Variants in ACSBG1 observed in about 807,000 individuals in gnomAD.
ACSBG1 encodes acyl-CoA synthetase bubblegum family member 1, also known as long-chain-fatty-acid--CoA ligase ACSBG1.
A neutral mutation model predicts 80.2 loss-of-function variants in ACSBG1; 39 were observed. That is an observed-to-expected ratio of 0.49 (90% CI 0.38 to 0.64). ACSBG1 has a LOEUF of 0.64. Among genes scored for constraint, ACSBG1 ranks in the 30% least tolerant of loss-of-function variants. The pLI is 0.00. For missense variants in ACSBG1, 828 were observed against 966.4 expected, an observed-to-expected ratio of 0.86 and a Z score of 1.90; for synonymous variants, 392 against 379.5, an observed-to-expected ratio of 1.03 and a Z score of -0.38.
intron 2 of ACSBG1, among the ~76,000 whole-genome samples, chr15:78,204,476 CA>C (rs2075196095): frequency 6.6e-6 from 1 of 152,176 alleles, no homozygotes. Context: ...CCCCACATGG[CA>C]GGGTCCTAGG....
At chr15:78,220,810 A>G (rs60624923) in intron 1 of ACSBG1, among the ~76,000 whole-genome samples, 2 of 152,238 alleles carry the variant, frequency 1.3e-5, no homozygotes, top group Admixed American at 6.5e-5. Flanking sequence ...TAAGAAAATA[A>G]GAACAGTGTT....
Position 78,213,048 on chromosome 15 carries a change from G to A in ACSBG1, c.132-4946C>T, listed in dbSNP as rs1191950942. Among the ~76,000 whole-genome samples, 15 of 152,112 alleles carry A rather than the reference G, an allele frequency of 9.9e-5. 1 individual carries two copies. Among genetic ancestry groups the A allele is most frequent in the Non-Finnish European group, 2.9e-5 (2 of 68,010 alleles). On this transcript the variant is annotated intron_variant, in intron 1 of 13. Transcript: ENST00000258873. Reference sequence around the variant, plus strand: ...GTTCCCATCTCTCTCTGCTCAGCGGGCAAAGCAGAACTGACTCCCCAATGG... The same window carrying A: ...GTTCCCATCTCTCTCTGCTCAGCGGACAAAGCAGAACTGACTCCCCAATGG...
At chr15:78,211,691 C>T (rs981041622) in intron 1 of ACSBG1, among the ~76,000 whole-genome samples, 3 of 152,188 alleles carry the variant, frequency 2.0e-5, no homozygotes, top group Non-Finnish European at 4.4e-5. Context: ...GGAGCGTCTG[C>T]ACTGCGCCTT....
Position 78,179,641 on chromosome 15 carries a change from C to G in ACSBG1, c.1393G>C (p.Gly465Arg). 1 of 1,614,096 alleles carries G rather than the reference C, an allele frequency of 6.2e-7. No homozygotes were observed. The highest frequency in any genetic ancestry group is 8.5e-7 in the Non-Finnish European group (1 of 1,180,020). The change falls in exon 10 of 14, where the codon GGT becomes CGT. Residue 465 changes from glycine (G) to arginine (R), a missense_variant. Physicochemically the swap from Gly to Arg is moderately radical, Grantham distance 125 (BLOSUM62 -2). Transcript: ENST00000258873. ...MMAETQHFFL[G>R]LNIRLYAGYG... ...CCCGCATACAAGCGGATGTTGAGACCCAGGAAGAAGTGCTGTGTCTCTGCC... is the reference window on the plus strand; with the variant it reads ...CCCGCATACAAGCGGATGTTGAGACGCAGGAAGAAGTGCTGTGTCTCTGCC...
At position 78,171,330 on chromosome 15, in the gene ACSBG1, G is replaced by C. The variant is rs1183073746; in HGVS notation, c.*114C>G. 1.3e-6 allele frequency: 1 copy of C among 780,300 alleles called. No homozygotes were observed. Among genetic ancestry groups the C allele is most frequent in the Non-Finnish European group, 2.1e-6 (1 of 479,342 alleles). The allele number at this position is 780,300 out of a possible 1,614,324, so 48.3% of individuals were successfully genotyped here. Reference sequence around the variant, plus strand: ...AGCCAGTGCTGTGCCCTGACCTGGAGATCTAACAGACTTGGCAGAAATGCC... The same window carrying C: ...AGCCAGTGCTGTGCCCTGACCTGGACATCTAACAGACTTGGCAGAAATGCC... On this transcript the variant is annotated 3_prime_UTR_variant, in exon 14 of 14. Transcript: ENST00000258873.
rs1595905054 is a variant in ACSBG1, at chr15:78,223,280, G to A, written c.131+11091C>T. Among the ~76,000 whole-genome samples the A allele has an allele frequency of 1.3e-5, 2 of 151,178 alleles. 1 individual carries two copies. Among genetic ancestry groups the A allele is most frequent in the South Asian group, 4.2e-4 (2 of 4,764 alleles). On this transcript the variant is annotated intron_variant, in intron 1 of 13. Transcript: ENST00000258873. The stretch of plus-strand genomic sequence containing the variant: ...ATGGACATAGGGAGGGGCCTGTTGG[G>A]GGGTGGGGTGGGGGGAGAAAAACCA...
At chr15:78,195,440 A>G (rs1047916804) in intron 2 of ACSBG1, among the ~76,000 whole-genome samples, 1 of 151,840 alleles carries the variant, frequency 6.6e-6, no homozygotes, top group Non-Finnish European at 1.5e-5. Flanking sequence ...CACACTTAGG[A>G]CATTGTCTGG....
chr15:78,171,883 T>C (rs982836315), intron 13 of ACSBG1: 2 of 165,136 alleles, frequency 1.2e-5, no homozygotes, highest in Non-Finnish European at 2.6e-5. Flanking sequence ...CAGTCCATTT[T>C]CTCTGAAATG....
chr15:78,174,116 C>T (rs2074857400), intron 12 of ACSBG1, among the ~76,000 whole-genome samples: 1 of 152,206 alleles, frequency 6.6e-6, no homozygotes. Context: ...GTCCAAGTAC[C>T]TGCAGAGAGC....
intron 1 of ACSBG1, among the ~76,000 whole-genome samples, chr15:78,210,197 G>A (rs970541350): frequency 2.6e-4 from 39 of 152,316 alleles, no homozygotes; most frequent in Admixed American, 2.5e-3. Context: ...TGGTCAATGA[G>A]AGGGTGGACC....
intron 5 of ACSBG1, among the ~76,000 whole-genome samples, chr15:78,187,795 A>G (rs2075019947): frequency 1.3e-5 from 2 of 152,214 alleles, no homozygotes; most frequent in African/African-American, 4.8e-5. Flanking sequence ...CACCACTCCT[A>G]TTCAACATTG....
intron 1 of ACSBG1, among the ~76,000 whole-genome samples, chr15:78,219,521 A>T (rs1736021146): frequency 6.6e-6 from 1 of 152,222 alleles, no homozygotes; most frequent in Admixed American, 6.5e-5. Context: ...ATTGAATGAA[A>T]TTAAGGAAGA....
chr15:78,185,066 AG>A (rs1443902678), intron 5 of ACSBG1, among the ~76,000 whole-genome samples: 47 of 150,506 alleles, frequency 3.1e-4, no homozygotes, highest in Middle Eastern at 3.4e-3. Context: ...AGAGAGAGAG[AG>A]AGAGAGAGAG....
At chr15:78,203,051 G>A (rs2075182825) in intron 2 of ACSBG1, among the ~76,000 whole-genome samples, 1 of 152,020 alleles carries the variant, frequency 6.6e-6, no homozygotes, top group South Asian at 2.1e-4. Context: ...GTGAAAAGGG[G>A]AGCAAAAAAG....
chr15:78,221,704 C>T (rs2075361178), intron 1 of ACSBG1, among the ~76,000 whole-genome samples: 1 of 152,156 alleles, frequency 6.6e-6, no homozygotes, highest in Admixed American at 6.5e-5. Flanking sequence ...AAACTTTGGA[C>T]AATACCCAGG....
At chr15:78,184,510 C>T (rs2074980032) in intron 5 of ACSBG1, among the ~76,000 whole-genome samples, 1 of 151,936 alleles carries the variant, frequency 6.6e-6, no homozygotes, top group African/African-American at 2.4e-5. Context: ...ACTGATAATA[C>T]TATTTCAAAA....
rs1595896318 is a variant in ACSBG1 at position 78,208,116 on chromosome 15, G to A, written c.132-14C>T. ...TCAGTCAGTGAGCTGGGGTGGTGAG[G>A]GGACCAGGAAAAACATTCATTAGAA... On this transcript the variant is annotated splice_polypyrimidine_tract_variant and intron_variant, in intron 1 of 13. Coordinates refer to ENST00000258873, the MANE Select transcript of ACSBG1 (RefSeq NM_015162.5). 6.2e-7 allele frequency: 1 copy of A among 1,608,100 alleles called. No individual in the cohort carries two copies. The highest frequency in any genetic ancestry group is 8.5e-7 in the Non-Finnish European group (1 of 1,175,698).
At chr15:78,229,758 T>A (rs1177328182) in intron 1 of ACSBG1, among the ~76,000 whole-genome samples, 1 of 152,130 alleles carries the variant, frequency 6.6e-6, no homozygotes, top group Non-Finnish European at 1.5e-5. Flanking sequence ...TACTCACTGC[T>A]GCTAGATTCA....
chr15:78,185,610 A>G (rs907087829), intron 5 of ACSBG1, among the ~76,000 whole-genome samples: 8 of 152,250 alleles, frequency 5.3e-5, no homozygotes, highest in Admixed American at 5.2e-4. Flanking sequence ...ATTTTCAAAT[A>G]TAAATTGGTG....
Sources: allele counts gnomAD v4.1 joint callset (sites outside exome capture counted in the v4.1 genomes callset), GRCh38; gene constraint gnomAD v4.1.1; transcripts MANE v1.5; gene names NCBI Gene and HGNC (gene_info 2026-07-23, HGNC 2026-07-21).